MCUB: variants seen among roughly 807,000 people sequenced by gnomAD.
The protein encoded by MCUB is calcium uniporter regulatory subunit MCUb, mitochondrial.
A neutral mutation model predicts 41.4 loss-of-function variants in MCUB; 46 were observed. The ratio of observed to expected loss-of-function variants is 1.11; its 90% CI spans 0.88 to 1.42. The LOEUF is 1.42. MCUB is among the 40% of genes most tolerant of loss of function. The pLI, the probability that MCUB is intolerant of heterozygous loss-of-function variation, is 0.00. For synonymous variants in MCUB, 148 were observed against 148.2 expected (o/e 1.00, Z 0.01); for missense variants, 403 against 404.9 (o/e 1.00, Z 0.04).
At chr4:109,619,907 G>A (rs765780359) in intron 1 of MCUB, among the ~76,000 whole-genome samples, 2 of 152,126 alleles carry the variant, frequency 1.3e-5, no homozygotes, top group Non-Finnish European at 2.9e-5. Context: ...TATCCCCATT[G>A]TATAGATAAG....
chr4:109,682,145 T>G (rs1328809365), intron 4 of MCUB, among the ~76,000 whole-genome samples: 2 of 152,202 alleles, frequency 1.3e-5, no homozygotes, highest in Non-Finnish European at 2.9e-5. Flanking sequence ...CAGCTAGGCT[T>G]AGGGATTCTT....
chr4:109,564,126 G>A (rs1016232947), intron 1 of MCUB, among the ~76,000 whole-genome samples: 1 of 151,890 alleles, frequency 6.6e-6, no homozygotes, highest in Non-Finnish European at 1.5e-5. Context: ...TAGGCTATAT[G>A]CATTTCTTTC....
intron 1 of MCUB, among the ~76,000 whole-genome samples, chr4:109,643,652 G>T (rs761193140): frequency 6.6e-6 from 1 of 152,092 alleles, no homozygotes; most frequent in Non-Finnish European, 1.5e-5. Context: ...TTACAGGCAT[G>T]CATCACCATG....
intron 4 of MCUB, among the ~76,000 whole-genome samples, chr4:109,670,381 G>A (rs746883511): frequency 2.4e-4 from 36 of 151,878 alleles, no homozygotes; most frequent in Non-Finnish European, 4.9e-4. Context: ...AATCGGTTAG[G>A]CTCTGGGAAA....
At chr4:109,668,728 A>AT (rs1467264587) in intron 4 of MCUB, among the ~76,000 whole-genome samples, 1 of 146,966 alleles carries the variant, frequency 6.8e-6, no homozygotes, top group African/African-American at 2.5e-5. Flanking sequence ...TGTCTTCCAC[A>AT]TTTTTTCTGC....
intron 1 of MCUB, among the ~76,000 whole-genome samples, chr4:109,652,093 A>T (rs1165435025): frequency 6.6e-6 from 1 of 152,174 alleles, no homozygotes. Context: ...GTGTCCTCAC[A>T]CCGTCTTTCT....
chr4:109,563,612 A>T (rs1370491917), intron 1 of MCUB, among the ~76,000 whole-genome samples: 1 of 152,230 alleles, frequency 6.6e-6, no homozygotes, highest in Admixed American at 6.5e-5. Flanking sequence ...CCAGCTTGTC[A>T]ATTAAATATT....
At chr4:109,680,541 A>G (rs937813545) in intron 4 of MCUB, among the ~76,000 whole-genome samples, 2 of 151,936 alleles carry the variant, frequency 1.3e-5, no homozygotes, top group Non-Finnish European at 2.9e-5. Flanking sequence ...CTCTGTATGT[A>G]TATGTTTTAT....
chr4:109,687,493 C>A, intron 7 of MCUB, 22 bp from the exon 8 acceptor site: 2 of 1,564,002 alleles, frequency 1.3e-6, no homozygotes, highest in Non-Finnish European at 1.8e-6. Context: ...TGATCACATG[C>A]TTTTTCTTTT....
chr4:109,604,390 A>T (rs1162189897), intron 1 of MCUB, among the ~76,000 whole-genome samples: 2 of 151,996 alleles, frequency 1.3e-5, no homozygotes, highest in East Asian at 3.8e-4. Context: ...ATACTAAAAA[A>T]ATTTAAAAAA....
chr4:109,592,677 G>A (rs1295631178), intron 1 of MCUB, among the ~76,000 whole-genome samples: 1 of 152,034 alleles, frequency 6.6e-6, no homozygotes, highest in Middle Eastern at 3.2e-3. Context: ...CCATACCACT[G>A]CAAAAAGTAA....
At chr4:109,634,889 G>A (rs1728555003) in intron 1 of MCUB, among the ~76,000 whole-genome samples, 1 of 152,078 alleles carries the variant, frequency 6.6e-6, no homozygotes, top group Non-Finnish European at 1.5e-5. Context: ...GTGCCATGGT[G>A]GTTTGCTGCA....
chr4:109,644,120 G>A (rs1728781448), intron 1 of MCUB, among the ~76,000 whole-genome samples: 1 of 152,112 alleles, frequency 6.6e-6, no homozygotes, highest in South Asian at 2.1e-4. Flanking sequence ...AAAAAATTGA[G>A]GCTTTGTTAG....
intron 1 of MCUB, among the ~76,000 whole-genome samples, chr4:109,643,590 C>T (rs1022730280): frequency 4.6e-5 from 7 of 151,762 alleles, no homozygotes; most frequent in African/African-American, 9.7e-5. Flanking sequence ...CTGCAACCTC[C>T]GCCTCCCACA....
intron 1 of MCUB, among the ~76,000 whole-genome samples, chr4:109,639,441 G>C (rs1728668438): frequency 1.3e-5 from 2 of 151,792 alleles, no homozygotes; most frequent in South Asian, 4.1e-4. Flanking sequence ...TATAATCCCA[G>C]CACTTTGGGA....
At chr4:109,596,437 C>A (rs1418438200) in intron 1 of MCUB, among the ~76,000 whole-genome samples, 1 of 148,464 alleles carries the variant, frequency 6.7e-6, no homozygotes, top group Non-Finnish European at 1.5e-5. Context: ...GCTGGGGGAG[C>A]CCATGAGACA....
At chr4:109,562,579 G>C (rs1248778293) in intron 1 of MCUB, among the ~76,000 whole-genome samples, 2 of 152,134 alleles carry the variant, frequency 1.3e-5, no homozygotes, top group Non-Finnish European at 2.9e-5. Flanking sequence ...TATCCTGTGG[G>C]TAAAGGCAAG....
rs71594195 is a variant in MCUB, at chr4:109,577,598, C to CTTTTTTTTTTTT, written c.99+17180_99+17191dup. 6.2e-5 allele frequency among the ~76,000 whole-genome samples: 3 copies of CTTTTTTTTTTTT among 48,662 alleles called. 1 individual carries two copies. Among genetic ancestry groups the CTTTTTTTTTTTT allele is most frequent in the African/African-American group, 2.3e-4 (3 of 12,880 alleles). The allele number at this position is 48,662 out of a possible 152,430, so 31.9% of individuals were successfully genotyped here. On this transcript the variant is annotated intron_variant, in intron 1 of 7. Transcript: ENST00000394650. The stretch of plus-strand genomic sequence containing the variant: ...ATAGCCTAAAATGGGTACTTGAATT[C>CTTTTTTTTTTTT]TTTTTTTTTTTTTTTTTTTTTTTTT...
At chr4:109,576,847 TC>T (rs1401207637) in intron 1 of MCUB, among the ~76,000 whole-genome samples, 1 of 152,100 alleles carries the variant, frequency 6.6e-6, no homozygotes, top group African/African-American at 2.4e-5. Flanking sequence ...AGAAATTCTT[TC>T]TTTTCTTTCT....
Sources: gnomAD v4.1 joint callset for allele counts (sites outside exome capture counted in the v4.1 genomes callset) on GRCh38, gnomAD v4.1.1 for gene constraint, MANE v1.5 for transcripts, NCBI Gene and HGNC (gene_info 2026-07-23, HGNC 2026-07-21) for gene names.